The following ENTREP3 variants were observed in gnomAD, a reference collection of about 807,000 sequenced individuals.
ENTREP3 encodes protein ENTREP3.
chr1:155,248,530 C>T, the ENTREP3 span: 1 of 1,493,044 alleles, frequency 6.7e-7, no homozygotes, highest in South Asian at 1.1e-5. Flanking sequence ...TGTGGACACG[C>T]CCACCCTCCT....
the ENTREP3 span, chr1:155,247,329 A>G: frequency 2.2e-6 from 1 of 464,152 alleles, no homozygotes; most frequent in Non-Finnish European, 4.3e-6. Context: ...AGCTTGCCCA[A>G]GGTCATGCAG....
the ENTREP3 span, chr1:155,250,616 G>C: frequency 1.9e-6 from 3 of 1,609,616 alleles, no homozygotes; most frequent in African/African-American, 1.3e-5. This position sits in a 1 kb window ranked among gnomAD's most constrained non-coding sequence, Gnocchi z 5.4. Context: ...GCCGTGGCAG[G>C]GGGCTTTCCT....
the ENTREP3 span, chr1:155,251,062 G>T: frequency 6.3e-7 from 1 of 1,577,976 alleles, no homozygotes; most frequent in Non-Finnish European, 8.7e-7. Flanking sequence ...TGGCAGCCCC[G>T]CCCTTGTCCA....
At chr1:155,247,852 C>T in the ENTREP3 span, 5,328 of 1,502,562 alleles carry the variant, frequency 3.5e-3, 152 homozygotes, top group East Asian at 0.065. Flanking sequence ...CTCCAGCCTG[C>T]GGCCAGACAG....
the ENTREP3 span, chr1:155,247,900 C>A: frequency 2.7e-5 from 43 of 1,583,972 alleles, no homozygotes; most frequent in Admixed American, 3.6e-5. Flanking sequence ...CAGATCTCCG[C>A]AGCTGCGAAG....
At chr1:155,254,048 G>T in the ENTREP3 span, 1 of 1,613,650 alleles carries the variant, frequency 6.2e-7, no homozygotes, top group Non-Finnish European at 8.5e-7. This position sits in a 1 kb window ranked among gnomAD's most constrained non-coding sequence, Gnocchi z 4.4. Flanking sequence ...ACCTCCCCCA[G>T]CCAGTTCTTT....
the ENTREP3 span, chr1:155,255,216 C>T: frequency 6.1e-6 from 2 of 329,486 alleles, no homozygotes; most frequent in Non-Finnish European, 1.1e-5. This position sits in a 1 kb window ranked among gnomAD's most constrained non-coding sequence, Gnocchi z 5.6. Context: ...GAGGGGGCGG[C>T]GGCCTGGAGC....
chr1:155,254,442 C>G, the ENTREP3 span: 1 of 1,614,216 alleles, frequency 6.2e-7, no homozygotes, highest in Non-Finnish European at 8.5e-7. The surrounding 1 kb of genome is among the most constrained non-coding windows in gnomAD (Gnocchi z 4.4). Flanking sequence ...TGCCAACCAC[C>G]CCGGAGAACG....
chr1:155,251,290 G>T, the ENTREP3 span: 6 of 820,866 alleles, frequency 7.3e-6, no homozygotes, highest in Non-Finnish European at 1.2e-5. Flanking sequence ...TAATTGTGCA[G>T]CCTCAGCTTC....
the ENTREP3 span, chr1:155,254,942 G>T: frequency 7.8e-7 from 1 of 1,280,296 alleles, no homozygotes; most frequent in Non-Finnish European, 1.1e-6. The surrounding 1 kb of genome is among the most constrained non-coding windows in gnomAD (Gnocchi z 4.4). Flanking sequence ...TCTCAGAGGC[G>T]CCCAAGGCCC....
the ENTREP3 span, chr1:155,248,605 C>T: frequency 1.4e-6 from 1 of 718,750 alleles, no homozygotes; most frequent in Non-Finnish European, 2.5e-6. Flanking sequence ...AAAGGGCCAG[C>T]ATCTCTGTCC....
At chr1:155,252,986 C>CA in the ENTREP3 span, 2 of 151,792 alleles carry the variant, frequency 1.3e-5, no homozygotes, top group African/African-American at 4.8e-5. Flanking sequence ...CAGCTCACTG[C>CA]AAGCTCTGCC....
the ENTREP3 span, among the ~76,000 whole-genome samples, chr1:155,249,478 T>C: frequency 6.6e-6 from 1 of 152,052 alleles, no homozygotes; most frequent in Non-Finnish European, 1.5e-5. Flanking sequence ...GCTGTGGAAC[T>C]GGTTTCAAAA....
chr1:155,250,894 C>G, the ENTREP3 span: 1 of 1,460,858 alleles, frequency 6.8e-7, no homozygotes, highest in Non-Finnish European at 9.2e-7. This position sits in a 1 kb window ranked among gnomAD's most constrained non-coding sequence, Gnocchi z 5.4. Context: ...TTCCTCTTCT[C>G]CCAAGCCCAG....
At chr1:155,252,596 C>T in the ENTREP3 span, among the ~76,000 whole-genome samples, 1 of 145,688 alleles carries the variant, frequency 6.9e-6, no homozygotes, top group Admixed American at 7.0e-5. Flanking sequence ...TGTCAAACTC[C>T]TGATATCTGG....
the ENTREP3 span, chr1:155,248,130 G>A: frequency 4.4e-5 from 71 of 1,613,922 alleles, no homozygotes; most frequent in East Asian, 5.1e-4. Flanking sequence ...ACCAGGCCCC[G>A]ACCTGGCCAG....
At chr1:155,252,938 T>C in the ENTREP3 span, 54,462 of 146,076 alleles carry the variant, frequency 0.37, 12,230 homozygotes, top group East Asian at 0.7. Context: ...GATGGAGTCT[T>C]GCTCTGTCGC....
the ENTREP3 span, chr1:155,252,690 G>GTGCATATATATATATA: frequency 3.0e-5 from 1 of 32,878 alleles, no homozygotes; most frequent in African/African-American, 1.9e-4. Context: ...AATTTTGTGT[G>GTGCATATATATATATA]TATATATATA....
the ENTREP3 span, among the ~76,000 whole-genome samples, chr1:155,252,442 T>G: frequency 6.6e-6 from 1 of 151,520 alleles, no homozygotes; most frequent in Non-Finnish European, 1.5e-5. Context: ...ACATCTCAGC[T>G]CACTGCAACC....
Sources: gnomAD v4.1 joint callset for allele counts (sites outside exome capture counted in the v4.1 genomes callset) on GRCh38, gnomAD v4.1.1 for gene constraint, Gnocchi (gnomAD v3.1) non-coding constraint, MANE v1.5 for transcripts, NCBI Gene and HGNC (gene_info 2026-07-23, HGNC 2026-07-21) for gene names.